DLGAP2: variants seen among roughly 807,000 people sequenced by gnomAD.
DLGAP2 encodes the protein disks large-associated protein 2.
DLGAP2 carries 26 observed loss-of-function variants against 100.3 expected under a neutral mutation model. That is an observed-to-expected ratio of 0.26 (90% confidence interval 0.19 to 0.36). The LOEUF is 0.36. Ranked by LOEUF, DLGAP2 falls within the 10% of genes least tolerant of loss-of-function variation. The pLI is 1.00. For missense variants in DLGAP2, 1,858 were observed against 1,453.2 expected, an observed-to-expected ratio of 1.28 and a Z score of -4.53; for synonymous variants, 886 against 630.1, an observed-to-expected ratio of 1.41 and a Z score of -6.08.
chr8:1,118,383 G>A (rs959323063), intron 2 of DLGAP2, among the ~76,000 whole-genome samples: 4 of 152,190 alleles, frequency 2.6e-5, no homozygotes, highest in African/African-American at 9.7e-5. Context: ...TTACGTGACT[G>A]AGGACAGTGA....
chr8:878,285 G>A (rs578045736), intron 1 of DLGAP2, among the ~76,000 whole-genome samples: 1 of 152,262 alleles, frequency 6.6e-6, no homozygotes, highest in Admixed American at 6.5e-5. Context: ...ATAGAACAGA[G>A]CTAGAGTGTT....
intron 8 of DLGAP2, among the ~76,000 whole-genome samples, chr8:1,655,830 A>G (rs1448409708): frequency 6.6e-6 from 1 of 152,218 alleles, no homozygotes; most frequent in African/African-American, 2.4e-5. Context: ...CACTCAGGGA[A>G]CTATGTCCAG....
At chr8:1,419,201 CGT>C (rs1159906851) in intron 3 of DLGAP2, among the ~76,000 whole-genome samples, 1 of 133,350 alleles carries the variant, frequency 7.5e-6, no homozygotes, top group East Asian at 2.0e-4. Flanking sequence ...CACTCTGATG[CGT>C]GCGTGTGTGT....
chr8:924,142 C>G (rs1320871407), intron 2 of DLGAP2, among the ~76,000 whole-genome samples: 2 of 152,192 alleles, frequency 1.3e-5, no homozygotes, highest in African/African-American at 4.8e-5. Context: ...TTTTCAGTTT[C>G]TAGTCCATTT....
At chr8:784,363 T>C (rs75989777) in intron 1 of DLGAP2, among the ~76,000 whole-genome samples, 205 of 152,350 alleles carry the variant, frequency 1.3e-3, no homozygotes, top group Non-Finnish European at 2.5e-3. Context: ...CATGTGGGTA[T>C]AGACAGAAAA....
At chr8:1,237,443 C>T (rs555374217) in intron 2 of DLGAP2, among the ~76,000 whole-genome samples, 1,595 of 136,338 alleles carry the variant, frequency 0.012, no homozygotes, top group Middle Eastern at 0.041. Flanking sequence ...TCTCACATGG[C>T]GCCGTGTCTA....
intron 2 of DLGAP2, among the ~76,000 whole-genome samples, chr8:1,010,151 G>A (rs1424317719): frequency 6.6e-6 from 1 of 152,150 alleles, no homozygotes; most frequent in Non-Finnish European, 1.5e-5. Flanking sequence ...CTACATATAT[G>A]CACACACACC....
chr8:1,495,382 G>A (rs777031017), intron 3 of DLGAP2, among the ~76,000 whole-genome samples: 6 of 152,324 alleles, frequency 3.9e-5, no homozygotes, highest in Non-Finnish European at 8.8e-5. Context: ...CGTGTTACCC[G>A]GCCACACACC....
intron 2 of DLGAP2, among the ~76,000 whole-genome samples, chr8:1,186,869 C>G (rs747772002): frequency 2.0e-4 from 31 of 152,130 alleles, no homozygotes; most frequent in Non-Finnish European, 4.1e-4. Flanking sequence ...TTCACATGCC[C>G]CCACGTCTGC....
chr8:1,340,898 A>C (rs1267405394), intron 3 of DLGAP2, among the ~76,000 whole-genome samples: 3 of 152,250 alleles, frequency 2.0e-5, no homozygotes, highest in Non-Finnish European at 4.4e-5. Context: ...AATACTATGC[A>C]GACATAAAAA....
intron 14 of DLGAP2, among the ~76,000 whole-genome samples, chr8:1,699,695 A>C (rs1287860038): frequency 6.6e-6 from 1 of 152,130 alleles, no homozygotes; most frequent in Non-Finnish European, 1.5e-5. Flanking sequence ...GATCTCCAGC[A>C]CAGCAGAGGC....
rs763935346 is a variant in DLGAP2 at position 1,311,747 on chromosome 8, T to G, written c.106+52864T>G. On this transcript the variant is annotated intron_variant, in intron 3 of 14. Transcript: ENST00000637795. ...TAAAATTAGAAGTAGAAGGAAAATT[T>G]CTCAGTATGATAAAGGGCATTTATG... 8.5e-4 allele frequency among the ~76,000 whole-genome samples: 129 copies of G among 152,216 alleles called. 1 individual carries two copies. The highest frequency in any genetic ancestry group is 1.2e-3 in the Non-Finnish European group (84 of 68,020).
At chr8:1,556,601 C>T (rs1801974508) in intron 5 of DLGAP2, among the ~76,000 whole-genome samples, 1 of 152,180 alleles carries the variant, frequency 6.6e-6, no homozygotes, top group African/African-American at 2.4e-5. Context: ...TGACCCAACC[C>T]AAAGTACAGC....
chr8:912,522 A>T (rs1167911538), intron 2 of DLGAP2, among the ~76,000 whole-genome samples: 1 of 152,170 alleles, frequency 6.6e-6, no homozygotes, highest in African/African-American at 2.4e-5. Flanking sequence ...GTCCAGTTTC[A>T]AGCTGCTGCC....
At chr8:1,119,055 A>G (rs1795971356) in intron 2 of DLGAP2, among the ~76,000 whole-genome samples, 1 of 152,234 alleles carries the variant, frequency 6.6e-6, no homozygotes, top group Non-Finnish European at 1.5e-5. Context: ...CAACTTTACC[A>G]TTAACTATTT....
At chr8:1,476,742 C>CCAAGTCAGACGGACATTGTGATCTGT (rs1174806395) in intron 3 of DLGAP2, among the ~76,000 whole-genome samples, 1 of 151,890 alleles carries the variant, frequency 6.6e-6, no homozygotes, top group Non-Finnish European at 1.5e-5. Flanking sequence ...GCCCGTTCTG[C>CCAAGTCAGACGGACATTGTGATCTGT]AGACCCACCC....
intron 1 of DLGAP2, among the ~76,000 whole-genome samples, chr8:785,003 C>A (rs1019463175): frequency 6.6e-6 from 1 of 151,694 alleles, no homozygotes; most frequent in Non-Finnish European, 1.5e-5. Context: ...GTCAGGAGAT[C>A]GAGACCATCC....
intron 1 of DLGAP2, among the ~76,000 whole-genome samples, chr8:811,670 G>A (rs1796372793): frequency 1.4e-5 from 2 of 142,616 alleles, no homozygotes; most frequent in Non-Finnish European, 3.0e-5. Context: ...CCCTGCCAGG[G>A]CTCCTGCCGT....
chr8:744,975 G>GGGGTA (rs1239076411), intron 1 of DLGAP2, among the ~76,000 whole-genome samples: 1 of 152,122 alleles, frequency 6.6e-6, no homozygotes, highest in Non-Finnish European at 1.5e-5. Context: ...ATGGCGGGAA[G>GGGGTA]GGGTAGCCCA....
Sources: gnomAD v4.1 joint callset for allele counts (sites outside exome capture counted in the v4.1 genomes callset) on GRCh38, gnomAD v4.1.1 for gene constraint, MANE v1.5 for transcripts, NCBI Gene and HGNC (gene_info 2026-07-23, HGNC 2026-07-21) for gene names.